Variants in FBXW7 observed in about 807,000 individuals in gnomAD.
The protein encoded by FBXW7 is F-box and WD repeat domain containing 7.
Under a neutral mutation model 86.3 loss-of-function variants are expected in FBXW7, and 11 were observed. The observed-to-expected ratio is 0.13, with a 90% CI of 0.08 to 0.21. The LOEUF (loss-of-function observed/expected upper bound fraction) is 0.21. FBXW7 is among the 10% of genes least tolerant of loss of function. The pLI, the probability that FBXW7 is intolerant of heterozygous loss-of-function variation, is 1.00. For synonymous variants in FBXW7, 313 were observed against 297.9 expected, an observed-to-expected ratio of 1.05 and a Z score of -0.52; for missense variants, 488 against 847.4, an observed-to-expected ratio of 0.58 and a Z score of 5.27.
chr4:152,399,199 T>C (rs1218880406), intron 4 of FBXW7, among the ~76,000 whole-genome samples: 2 of 152,122 alleles, frequency 1.3e-5, no homozygotes, highest in East Asian at 1.9e-4. Context: ...GAAAGGTAAA[T>C]TGCCTATGGC....
At chr4:152,394,979 T>G (rs887795695) in intron 4 of FBXW7, among the ~76,000 whole-genome samples, 7 of 152,134 alleles carry the variant, frequency 4.6e-5, no homozygotes. Flanking sequence ...CATGATCTAC[T>G]GAGTCACTCA....
At chr4:152,381,395 A>G (rs115972143) in intron 4 of FBXW7, among the ~76,000 whole-genome samples, 2 of 152,162 alleles carry the variant, frequency 1.3e-5, no homozygotes, top group African/African-American at 4.8e-5. Flanking sequence ...ACACAAATAC[A>G]CTCATTTAAT....
intron 2 of FBXW7, among the ~76,000 whole-genome samples, chr4:152,438,506 T>G (rs1360199853): frequency 6.6e-6 from 1 of 151,980 alleles, no homozygotes; most frequent in Non-Finnish European, 1.5e-5. Flanking sequence ...GGTGAAACAC[T>G]GTCTCTACTA....
intron 4 of FBXW7, among the ~76,000 whole-genome samples, chr4:152,370,824 A>T (rs984690713): frequency 6.6e-6 from 1 of 151,962 alleles, no homozygotes. Context: ...CAGTATTAAT[A>T]TTTGAGAAAG....
chr4:152,409,917 T>C (rs1440434925), intron 4 of FBXW7, among the ~76,000 whole-genome samples: 2 of 152,162 alleles, frequency 1.3e-5, no homozygotes, highest in African/African-American at 2.4e-5. Context: ...AAATTCAGTA[T>C]ACTTCGTTTT....
chr4:152,517,864 C>A (rs1041707599), intron 2 of FBXW7, among the ~76,000 whole-genome samples: 3 of 152,180 alleles, frequency 2.0e-5, no homozygotes, highest in Admixed American at 6.5e-5. Context: ...GACTTAAAGT[C>A]TGAAAATCTT....
intron 4 of FBXW7, among the ~76,000 whole-genome samples, chr4:152,385,852 T>A (rs1735480371): frequency 1.3e-5 from 2 of 152,060 alleles, no homozygotes; most frequent in African/African-American, 2.4e-5. Context: ...TCATAATATA[T>A]TTTTGGAAAA....
At chr4:152,485,930 G>C (rs532453367) in intron 2 of FBXW7, among the ~76,000 whole-genome samples, 17 of 152,242 alleles carry the variant, frequency 1.1e-4, no homozygotes, top group African/African-American at 3.9e-4. Context: ...AAATGTGTTT[G>C]TTAGGCTATT....
chr4:152,491,607 T>A (rs1463026324), intron 2 of FBXW7, among the ~76,000 whole-genome samples: 1 of 152,138 alleles, frequency 6.6e-6, no homozygotes, highest in African/African-American at 2.4e-5. Context: ...GAGTGCTGAA[T>A]CAGGGTACGA....
chr4:152,383,367 T>C (rs993345034), intron 4 of FBXW7, among the ~76,000 whole-genome samples: 3 of 152,098 alleles, frequency 2.0e-5, no homozygotes, highest in Admixed American at 6.6e-5. Flanking sequence ...CGGCCTAAGA[T>C]AAAGTCTGGA....
At chr4:152,362,714 G>A (rs1341210086) in intron 4 of FBXW7, among the ~76,000 whole-genome samples, 1 of 151,328 alleles carries the variant, frequency 6.6e-6, no homozygotes, top group East Asian at 2.0e-4. Flanking sequence ...TGTAATCTCA[G>A]CTACTTGGGA....
In FBXW7 at chr4:152,403,477, C is replaced by CAAA. The variant is rs112762359; in HGVS notation, c.501+7823_501+7825dup. Among the ~76,000 whole-genome samples the CAAA allele has an allele frequency of 4.7e-5, 4 of 85,270 alleles. No homozygotes were observed. The East Asian group carries it at 1.3e-3, about 27-fold the overall frequency. 55.9% of individuals were successfully genotyped at this position (85,270 alleles called of 152,430 possible). A position where few individuals can be genotyped will look rare whatever the true frequency, so the allele number is the denominator to read the frequency against. On this transcript the variant is annotated intron_variant, in intron 4 of 13. Coordinates refer to ENST00000281708, the MANE Select transcript of FBXW7 (RefSeq NM_001349798.2). ...TGGGCAACAGAGCCAGACTTCATCT[C>CAAA]AAAAAAAAAAAAAAAAGAATTGTGT...
chr4:152,489,671 C>G (rs1179267648), intron 2 of FBXW7, among the ~76,000 whole-genome samples: 2 of 152,030 alleles, frequency 1.3e-5, no homozygotes, highest in Non-Finnish European at 2.9e-5. Flanking sequence ...TTAAAGTCAA[C>G]AGGATGTGTT....
chr4:152,415,763 CCTTT>C (rs771248681), intron 2 of FBXW7, among the ~76,000 whole-genome samples: 1 of 152,022 alleles, frequency 6.6e-6, no homozygotes, highest in Non-Finnish European at 1.5e-5. Flanking sequence ...TTTGTTCCAC[CCTTT>C]CTGTCACCGT....
chr4:152,481,052 T>C (rs1004177920), intron 2 of FBXW7, among the ~76,000 whole-genome samples: 1 of 152,326 alleles, frequency 6.6e-6, no homozygotes, highest in South Asian at 2.1e-4. Flanking sequence ...CATGTAGTAC[T>C]TTCCTAGCTA....
At chr4:152,471,490 G>C (rs1406123576) in intron 2 of FBXW7, among the ~76,000 whole-genome samples, 1 of 128,162 alleles carries the variant, frequency 7.8e-6, no homozygotes, top group Non-Finnish European at 1.7e-5. Context: ...GGAGGGAAAG[G>C]GGGAGGGAAG....
In FBXW7 at chr4:152,330,909, A is replaced by G. The variant is rs10033601; in HGVS notation, c.986-41T>C. On this transcript the variant is annotated intron_variant, in intron 8 of 13. Coordinates refer to ENST00000281708, the MANE Select transcript of FBXW7 (RefSeq NM_001349798.2). The stretch of plus-strand genomic sequence containing the variant: ...TCAAGAGTAAATTGCCTTCACCAAT[A>G]ATAACAGTTATACATTTTATAAAGT... 517,122 of 1,587,354 alleles carry G rather than the reference A, an allele frequency of 0.33. 91,400 individuals are homozygous for G. Among genetic ancestry groups the G allele is most frequent in the African/African-American group, 0.66 (48,944 of 73,894 alleles).
At chr4:152,329,002 G>T (rs1436757609) in intron 10 of FBXW7, 1 of 151,770 alleles carries the variant, frequency 6.6e-6, no homozygotes, top group Non-Finnish European at 1.5e-5. Flanking sequence ...CATTTTAAAA[G>T]ACATGGATTT....
chr4:152,423,419 G>A (rs1739117428), intron 2 of FBXW7, among the ~76,000 whole-genome samples: 1 of 152,018 alleles, frequency 6.6e-6, no homozygotes, highest in Admixed American at 6.6e-5. Context: ...AATTTTTATT[G>A]ATAATTTTAA....
Sources: allele counts gnomAD v4.1 joint callset (sites outside exome capture counted in the v4.1 genomes callset), GRCh38; gene constraint gnomAD v4.1.1; transcripts MANE v1.5; gene names NCBI Gene and HGNC (gene_info 2026-07-23, HGNC 2026-07-21).